Variants in DDX19B observed in about 807,000 individuals in gnomAD.
DDX19B encodes DEAD-box helicase 19B.
A neutral mutation model predicts 58.1 loss-of-function variants in DDX19B; 27 were observed. The ratio of observed to expected loss-of-function variants is 0.46; its 90% CI spans 0.34 to 0.64. The LOEUF (loss-of-function observed/expected upper bound fraction) is 0.64, where lower values mean the gene tolerates loss of function less well. Among genes scored for constraint, DDX19B ranks in the 30% least tolerant of loss-of-function variants. DDX19B has a pLI of 0.01. For missense variants in DDX19B, 399 were observed against 596.5 expected (o/e 0.67, Z 3.45); for synonymous variants, 187 against 214.4 (o/e 0.87, Z 1.12).
At position 70,315,847 on chromosome 16, in the gene DDX19B, G is replaced by A. The variant is rs372853287; in HGVS notation, c.161-122G>A. On this transcript the variant is annotated intron_variant, in intron 3 of 11. Transcript: ENST00000288071. ...TTAATTTATAAGTCAAAACTATGACGTACCTTGAATTTGAATGTTCAGTAC... is the reference window on the plus strand; with the variant it reads ...TTAATTTATAAGTCAAAACTATGACATACCTTGAATTTGAATGTTCAGTAC... 9.1e-5 allele frequency: 119 copies of A among 1,308,618 alleles called. No individual in the cohort carries two copies. In the African/African-American group the frequency reaches 1.3e-3, roughly 15 times the overall value. 81.1% of individuals were successfully genotyped at this position (1,308,618 alleles called of 1,614,324 possible). A position where few individuals can be genotyped will look rare whatever the true frequency, so the allele number is the denominator to read the frequency against.
intron 1 of DDX19B, among the ~76,000 whole-genome samples, chr16:70,307,675 ATG>A (rs35186561): frequency 1.7e-4 from 26 of 149,326 alleles, no homozygotes; most frequent in South Asian, 1.1e-3. Flanking sequence ...ATGTATATAT[ATG>A]TGTGTGTGTG....
At chr16:70,316,142 A>G in intron 4 of DDX19B, 38 bp downstream of exon 4, 1 of 1,612,376 alleles carries the variant, frequency 6.2e-7, no homozygotes, top group Non-Finnish European at 8.5e-7. Flanking sequence ...TCCCCTTTGC[A>G]CTGAAATAGA....
intron 4 of DDX19B, among the ~76,000 whole-genome samples, chr16:70,316,459 C>T (rs1053854231): frequency 5.3e-5 from 8 of 152,092 alleles, no homozygotes; most frequent in Non-Finnish European, 7.4e-5. Context: ...CCACTTGCCT[C>T]GGCCTCCCAA....
At chr16:70,294,006 G>A (rs1030282336), upstream of DDX19B, among the ~76,000 whole-genome samples, 38 of 151,352 alleles carry the variant, frequency 2.5e-4, no homozygotes, top group Non-Finnish European at 4.4e-4. Context: ...AAACGCTAAA[G>A]GAATCACCTA....
intron 1 of DDX19B, among the ~76,000 whole-genome samples, chr16:70,301,519 G>C (rs1459356166): frequency 6.6e-6 from 1 of 152,022 alleles, no homozygotes; most frequent in Non-Finnish European, 1.5e-5. Context: ...CTTGGTATGG[G>C]TGTATTTTCA....
At chr16:70,306,127 TTTGTTG>T (rs551376201) in intron 1 of DDX19B, among the ~76,000 whole-genome samples, 4 of 151,154 alleles carry the variant, frequency 2.6e-5, no homozygotes, top group East Asian at 2.0e-4. Context: ...TTAGGTCAGT[TTTGTTG>T]TTGTTGTTGT....
rs375574849 is a variant in DDX19B, at chr16:70,317,467, G to A, written c.297-29G>A. On this transcript the variant is annotated intron_variant, in intron 4 of 11. Transcript: ENST00000288071. ...GCTGCTTTCCTCAACCAAAGAGACT[G>A]TGACTTTCATCTTTAACTGTTTTTC... is the stretch of plus-strand genomic sequence containing the variant. 4.8e-5 allele frequency: 75 copies of A among 1,573,292 alleles called. No individual in the cohort carries two copies. The African/African-American group carries it at 7.9e-4, about 17-fold the overall frequency.
Position 70,309,783 on chromosome 16 carries a change from A to C in DDX19B, c.58-2826A>C, listed in dbSNP as rs1281992253. Among the ~76,000 whole-genome samples the C allele has an allele frequency of 4.2e-5, 5 of 117,864 alleles. No individual in the cohort carries two copies. The Admixed American group carries it at 5.9e-4, about 14-fold the overall frequency. The allele number at this position is 117,864 out of a possible 152,430, so 77.3% of individuals were successfully genotyped here. On this transcript the variant is annotated intron_variant, in intron 1 of 11. Coordinates refer to ENST00000288071, the MANE Select transcript of DDX19B (RefSeq NM_007242.7). ...CAGTGAGCCAAGATCGTACCACTGC[A>C]TTCTAGCCTGGGCGACAGGGCAAGA...
chr16:70,293,181 C>T (rs1961103765), upstream of DDX19B, among the ~76,000 whole-genome samples: 1 of 152,034 alleles, frequency 6.6e-6, no homozygotes, highest in African/African-American at 2.4e-5. Flanking sequence ...CTTTGGGATT[C>T]TGAGGTGGGT....
At chr16:70,296,430 C>T (rs1961224678), upstream of DDX19B, among the ~76,000 whole-genome samples, 1 of 151,976 alleles carries the variant, frequency 6.6e-6, no homozygotes, top group Admixed American at 6.6e-5. Context: ...GGCCACTGCT[C>T]CGGTCTTCTT....
rs189455055 is a variant in DDX19B, at chr16:70,329,720, C to A, written c.786-111C>A. 6 of 1,457,694 alleles carry A rather than the reference C, an allele frequency of 4.1e-6. No individual in the cohort carries two copies. The African/African-American group carries it at 5.6e-5, about 14-fold the overall frequency. 90.3% of individuals were successfully genotyped at this position (1,457,694 alleles called of 1,614,324 possible). A position where few individuals can be genotyped will look rare whatever the true frequency, so the allele number is the denominator to read the frequency against. On this transcript the variant is annotated intron_variant, in intron 8 of 11. Transcript: ENST00000288071. ...CCTGCTGCTCCTCCTCCCCAAGACG[C>A]TCCTCTCCCATCAGCCTTCCTGGGC...
chr16:70,299,183 T>A (rs1466268231), upstream of DDX19B: 7 of 1,382,468 alleles, frequency 5.1e-6, no homozygotes, highest in African/African-American at 1.5e-5. Flanking sequence ...CCGCTTCCGG[T>A]CTGCAGCCTT....
chr16:70,325,461 T>A (rs767678734), intron 6 of DDX19B, 113 bp from the exon 7 acceptor site: 189 of 716,898 alleles, frequency 2.6e-4, no homozygotes, highest in Non-Finnish European at 4.2e-4. Context: ...CATTTTAATG[T>A]ACATATTCTT....
At chr16:70,295,945 C>T (rs531136015), upstream of DDX19B, among the ~76,000 whole-genome samples, 1 of 151,796 alleles carries the variant, frequency 6.6e-6, no homozygotes, top group African/African-American at 2.4e-5. Flanking sequence ...TCCACCCCCA[C>T]CCTTCTAGAG....
At position 70,316,029 on chromosome 16, in the gene DDX19B, C is replaced by G; in HGVS notation, c.221C>G (p.Thr74Arg). The G allele has an allele frequency of 1.2e-6, 2 of 1,614,082 alleles. No homozygotes were observed. The highest frequency in any genetic ancestry group is 1.7e-6 in the Non-Finnish European group (2 of 1,180,030). ...KLIRSNLVDN[T>R]NQVEVLQRDP... is the part of the protein sequence containing the mutation. ...ATCAGAAGCAACCTTGTTGATAACA[C>G]AAACCAAGTGGAAGTCCTGCAGCGG... The change falls in exon 4 of 12, where the codon ACA (threonine) becomes AGA (arginine). Residue 74 changes from threonine to arginine, a missense_variant. This residue lies in a region of DDX19B where 132 missense variants were observed against 159.4 expected (regional missense o/e 0.83). Transcript: ENST00000288071.
At chr16:70,310,379 CAA>C (rs148902286) in intron 1 of DDX19B, among the ~76,000 whole-genome samples, 1 of 118,082 alleles carries the variant, frequency 8.5e-6, no homozygotes, top group Non-Finnish European at 1.8e-5. Context: ...GACTCCGCCT[CAA>C]AAAAAAAAAA....
chr16:70,328,257 G>A (rs1446856610), intron 7 of DDX19B, among the ~76,000 whole-genome samples: 1 of 152,022 alleles, frequency 6.6e-6, no homozygotes, highest in Non-Finnish European at 1.5e-5. Context: ...ATGCCAACTT[G>A]AGGCCAGTTC....
At chr16:70,325,747 T>C (rs1963111269) in intron 7 of DDX19B, 59 bp downstream of exon 7, 1 of 1,255,522 alleles carries the variant, frequency 8.0e-7, no homozygotes, top group Non-Finnish European at 1.2e-6. Flanking sequence ...TTGAAATATT[T>C]CAAAACCCAC....
chr16:70,313,545 T>TAAC (rs1363858143), intron 2 of DDX19B, among the ~76,000 whole-genome samples: 1 of 152,204 alleles, frequency 6.6e-6, no homozygotes, highest in Non-Finnish European at 1.5e-5. Flanking sequence ...GACTAATTAC[T>TAAC]AACCATCGGA....
Sources: allele counts gnomAD v4.1 joint callset (sites outside exome capture counted in the v4.1 genomes callset), GRCh38; gene constraint gnomAD v4.1.1; regional missense constraint gnomAD v4.1.1; transcripts MANE v1.5; gene names NCBI Gene and HGNC (gene_info 2026-07-23, HGNC 2026-07-21).